NFS1: variants seen among roughly 807,000 people sequenced by gnomAD.
NFS1 encodes the protein cysteine desulfurase.
In NFS1, 26 loss-of-function variants were observed where a neutral mutation model predicts 57.3. That is an observed-to-expected ratio of 0.45 (90% CI 0.33 to 0.63). NFS1 has a LOEUF of 0.63. Among genes scored for constraint, NFS1 ranks in the 20% least tolerant of loss-of-function variants. The pLI is 0.02. For synonymous variants in NFS1, 209 were observed against 216.3 expected (o/e 0.97, Z 0.30); for missense variants, 505 against 605.8 (o/e 0.83, Z 1.75).
chr20:35,690,707 C>G, intron 4 of NFS1, 142 bp from the exon 5 acceptor site: 1 of 812,694 alleles, frequency 1.2e-6, no homozygotes, highest in Non-Finnish European at 2.0e-6. Context: ...TCCTATAATT[C>G]AATTCTGAGG....
At chr20:35,679,286 C>T (rs1025211584) in intron 7 of NFS1, among the ~76,000 whole-genome samples, 1 of 151,994 alleles carries the variant, frequency 6.6e-6, no homozygotes, top group African/African-American at 2.4e-5. Context: ...TGGGTTCAAA[C>T]GATTCTCCTG....
At chr20:35,698,964 G>A (rs2035193803) in intron 1 of NFS1, 1 of 1,320,236 alleles carries the variant, frequency 7.6e-7, no homozygotes, top group African/African-American at 1.5e-5. Flanking sequence ...GCGGTCTGAA[G>A]GACGCGCCTC....
intron 5 of NFS1, among the ~76,000 whole-genome samples, chr20:35,683,115 AAAAT>A (rs1203474011): frequency 1.3e-5 from 2 of 151,682 alleles, no homozygotes; most frequent in Non-Finnish European, 2.9e-5. Flanking sequence ...AACAAAAACA[AAAAT>A]AAAAAAGCCA....
Position 35,674,565 on chromosome 20 carries a change from A to G in NFS1, c.1001T>C (p.Met334Thr). The G allele has an allele frequency of 6.2e-7, 1 of 1,614,212 alleles. No homozygotes were observed. The change falls in exon 9 of 13, where the codon ATG becomes ACG. Residue 334 changes from methionine to threonine, a missense_variant. Met to Thr is a moderately conservative substitution (Grantham distance 81, BLOSUM62 -1). Transcript: ENST00000374092. Reference protein sequence around the residue: ...KLSERLIQNIMKSLPDVVMNG... With the variant: ...KLSERLIQNITKSLPDVVMNG... ...CATCACCACATCTGGAAGGCTCTTC[A>G]TTATATTCTGTATCAGCCGCTCTGA...
intron 4 of NFS1, 61 bp downstream of exon 4, chr20:35,696,316 G>A (rs1304499106): frequency 9.0e-7 from 1 of 1,107,530 alleles, no homozygotes; most frequent in East Asian, 2.3e-5. Context: ...CCAAATGATG[G>A]AGGGACACTA....
intron 4 of NFS1, among the ~76,000 whole-genome samples, chr20:35,693,807 G>C (rs1042742046): frequency 6.6e-6 from 1 of 152,010 alleles, no homozygotes; most frequent in South Asian, 2.1e-4. Flanking sequence ...ACTAAAAATA[G>C]AAAAATTAGC....
At chr20:35,689,756 G>C (rs144065552) in intron 5 of NFS1, among the ~76,000 whole-genome samples, 1 of 145,952 alleles carries the variant, frequency 6.9e-6, no homozygotes, top group Non-Finnish European at 1.5e-5. Flanking sequence ...GCAATACAGC[G>C]AGACTCTGTT....
chr20:35,690,402 G>A lies in NFS1; in HGVS notation c.561+11C>T, dbSNP rs772304258. On this transcript the variant is annotated intron_variant, in intron 5 of 12. Coordinates refer to ENST00000374092, the MANE Select transcript of NFS1 (RefSeq NM_021100.5). ...TCCATTTTTGCTCCTCCTGCCAATAGCCACTCCTACCTTTAGGTCAATGAT... is the reference window on the plus strand; with the variant it reads ...TCCATTTTTGCTCCTCCTGCCAATAACCACTCCTACCTTTAGGTCAATGAT... The A allele has an allele frequency of 5.6e-6, 9 of 1,609,670 alleles. No homozygotes were observed. In the East Asian group the frequency reaches 1.8e-4, roughly 32 times the overall value.
rs1237791650 is a variant in NFS1, at chr20:35,687,377, T to G, written c.561+3036A>C. The stretch of plus-strand genomic sequence containing the variant: ...TAGTGAAAGTACTAAAAGTCTCTGA[T>G]AAGCAGAAATAATGGCGTAAGCTGT... On this transcript the variant is annotated intron_variant, in intron 5 of 12. Coordinates refer to ENST00000374092, the MANE Select transcript of NFS1 (RefSeq NM_021100.5). 3.3e-5 allele frequency among the ~76,000 whole-genome samples: 5 copies of G among 152,184 alleles called. No individual in the cohort carries two copies. In the East Asian group the frequency reaches 9.6e-4, roughly 29 times the overall value.
At chr20:35,697,103 T>C (rs2035147689) in intron 3 of NFS1, among the ~76,000 whole-genome samples, 1 of 150,392 alleles carries the variant, frequency 6.6e-6, no homozygotes, top group Non-Finnish European at 1.5e-5. Context: ...CAAAACTCTG[T>C]CTCAAATAAT....
chr20:35,681,743 T>C (rs1178785922), intron 6 of NFS1, 145 bp downstream of exon 6: 1 of 510,628 alleles, frequency 2.0e-6, no homozygotes, highest in Non-Finnish European at 3.7e-6. Context: ...ATACTGCCTA[T>C]GACACTTCCA....
chr20:35,678,115 C>T (rs1338321142), intron 7 of NFS1, among the ~76,000 whole-genome samples: 4 of 150,618 alleles, frequency 2.7e-5, no homozygotes, highest in South Asian at 2.1e-4. Context: ...CTTGGGAGGC[C>T]GAGGCGGGCA....
intron 2 of NFS1, among the ~76,000 whole-genome samples, chr20:35,698,262 A>G (rs566282671): frequency 6.6e-6 from 1 of 152,350 alleles, no homozygotes; most frequent in South Asian, 2.1e-4. Flanking sequence ...AACTAATACT[A>G]TAGAGCCTGC....
intron 5 of NFS1, among the ~76,000 whole-genome samples, chr20:35,685,967 T>C (rs2146427580): frequency 6.7e-6 from 1 of 148,362 alleles, no homozygotes; most frequent in African/African-American, 2.5e-5. Context: ...CTTGCTTTTG[T>C]CACCCAGGCT....
At position 35,672,829 on chromosome 20, in the gene NFS1, G is replaced by A; in HGVS notation, c.1236C>T (p.Arg412=). Reference sequence around the variant, plus strand: ...AGTCCACTTCCTCCTCTGTAGTGAAGCGGCCAATTCCAAACCTGAAAAAAG... The same window carrying A: ...AGTCCACTTCCTCCTCTGTAGTGAAACGGCCAATTCCAAACCTGAAAAAAG... The part of the protein sequence containing the change: ...AHSSIRFGIG[R]FTTEEEVDYT... Residue 412 remains arginine (R), a synonymous_variant, in exon 12 of 13, where the codon CGC becomes CGT. Coordinates refer to ENST00000374092, the MANE Select transcript of NFS1 (RefSeq NM_021100.5). The A allele has an allele frequency of 6.2e-7, 1 of 1,606,248 alleles. No individual in the cohort carries two copies. Among genetic ancestry groups the A allele is most frequent in the Non-Finnish European group, 8.5e-7 (1 of 1,176,594 alleles).
intron 11 of NFS1, 143 bp downstream of exon 11, chr20:35,673,458 T>C (rs2425069): frequency 1.1e-5 from 7 of 638,682 alleles, no homozygotes; most frequent in South Asian, 7.8e-5. Flanking sequence ...ACCACTGCTC[T>C]AGAAACTTTC....
chr20:35,671,106 C>CATTG (rs946355244), intron 12 of NFS1, among the ~76,000 whole-genome samples: 1 of 152,088 alleles, frequency 6.6e-6, no homozygotes, highest in Non-Finnish European at 1.5e-5. Context: ...TTTATAAACA[C>CATTG]ATTGATTGAT....
Position 35,698,592 on chromosome 20 carries a change from T to C in NFS1, c.98-2A>G. The C allele has an allele frequency of 1.3e-6, 2 of 1,593,224 alleles. No homozygotes were observed. The highest frequency in any genetic ancestry group is 1.7e-6 in the Non-Finnish European group (2 of 1,173,376). On this transcript the variant is annotated splice_acceptor_variant, in intron 1 of 12. Coordinates refer to ENST00000374092, the MANE Select transcript of NFS1 (RefSeq NM_021100.5). LOFTEE classifies it high-confidence loss of function. ...CAGACTGAGGAGCACGGTCTCCAAC[T>C]GATAAAAAATGGAACGGAGTAGCCA...
intron 10 of NFS1, 106 bp downstream of exon 10, chr20:35,674,244 A>T: frequency 1.1e-6 from 1 of 919,292 alleles, no homozygotes; most frequent in South Asian, 1.3e-5. Flanking sequence ...CTTTACCCTT[A>T]ATCAAGAGGT....
Sources: gnomAD v4.1 joint callset for allele counts (sites outside exome capture counted in the v4.1 genomes callset) on GRCh38, gnomAD v4.1.1 for gene constraint, MANE v1.5 for transcripts, NCBI Gene and HGNC (gene_info 2026-07-23, HGNC 2026-07-21) for gene names.